The following GRID2 variants were observed in gnomAD, a reference collection of about 807,000 sequenced individuals.
The protein encoded by GRID2 is glutamate ionotropic receptor delta type subunit 2.
In GRID2, 33 loss-of-function variants were observed where a neutral mutation model predicts 114.8. That is an observed-to-expected ratio of 0.29 (90% CI 0.22 to 0.38). GRID2 has a LOEUF of 0.38. Among genes scored for constraint, GRID2 ranks in the 10% least tolerant of loss-of-function variants. The pLI, the probability that GRID2 is intolerant of heterozygous loss-of-function variation, is 1.00. For synonymous variants in GRID2, 505 were observed against 449.9 expected, an observed-to-expected ratio of 1.12 and a Z score of -1.55; for missense variants, 1,184 against 1,257.7, an observed-to-expected ratio of 0.94 and a Z score of 0.89.
chr4:92,684,442 T>C (rs1733804679), intron 2 of GRID2, among the ~76,000 whole-genome samples: 3 of 152,042 alleles, frequency 2.0e-5, no homozygotes, highest in Admixed American at 2.0e-4. Flanking sequence ...TAAATTTCTG[T>C]AAATGAGAAT....
intron 1 of GRID2, among the ~76,000 whole-genome samples, chr4:92,405,700 G>T (rs1413077632): frequency 7.0e-6 from 1 of 143,668 alleles, no homozygotes; most frequent in Non-Finnish European, 1.5e-5. Context: ...GTAGGTAAAA[G>T]TTACATTCAG....
chr4:93,060,829 G>A (rs1727717128), intron 2 of GRID2, among the ~76,000 whole-genome samples: 1 of 152,134 alleles, frequency 6.6e-6, no homozygotes, highest in Admixed American at 6.6e-5. Context: ...AAGGCTGGGT[G>A]TGGTGGCTCC....
chr4:93,533,735 A>G (rs547578770), intron 13 of GRID2, among the ~76,000 whole-genome samples: 1 of 151,572 alleles, frequency 6.6e-6, no homozygotes, highest in African/African-American at 2.4e-5. Flanking sequence ...CACCACCTCC[A>G]CCATTATTAC....
At chr4:93,513,881 C>T (rs1413776515) in intron 12 of GRID2, among the ~76,000 whole-genome samples, 2 of 152,162 alleles carry the variant, frequency 1.3e-5, no homozygotes, top group African/African-American at 4.8e-5. Context: ...TTCCCAGTGC[C>T]TTTGCCCAAT....
At chr4:92,869,461 G>A (rs1429928239) in intron 2 of GRID2, among the ~76,000 whole-genome samples, 1 of 152,200 alleles carries the variant, frequency 6.6e-6, no homozygotes, top group Non-Finnish European at 1.5e-5. Context: ...GCAACTGGTA[G>A]TTCGGATGGC....
At chr4:92,394,407 C>A (rs888023490) in intron 1 of GRID2, among the ~76,000 whole-genome samples, 1 of 151,988 alleles carries the variant, frequency 6.6e-6, no homozygotes, top group Admixed American at 6.6e-5. Context: ...TTAATTCCAA[C>A]AACTAATATC....
At chr4:93,686,163 C>A (rs907571365) in intron 14 of GRID2, among the ~76,000 whole-genome samples, 5 of 151,958 alleles carry the variant, frequency 3.3e-5, no homozygotes, top group Non-Finnish European at 7.4e-5. Flanking sequence ...TTTCTTAGTT[C>A]ACCGAATTCA....
intron 2 of GRID2, among the ~76,000 whole-genome samples, chr4:93,017,879 A>C (rs548579162): frequency 6.7e-6 from 1 of 148,668 alleles, no homozygotes; most frequent in African/African-American, 2.5e-5. Context: ...ATAAGACAGT[A>C]AGCTTTTTTT....
intron 1 of GRID2, among the ~76,000 whole-genome samples, chr4:92,423,692 T>A (rs1298051724): frequency 6.6e-6 from 1 of 152,152 alleles, no homozygotes; most frequent in South Asian, 2.1e-4. Flanking sequence ...TTTGAGCTGA[T>A]GTTCAATAAT....
intron 8 of GRID2, among the ~76,000 whole-genome samples, chr4:93,308,190 C>G (rs906070986): frequency 6.6e-6 from 1 of 152,142 alleles, no homozygotes; most frequent in Non-Finnish European, 1.5e-5. Flanking sequence ...CTGCATACCC[C>G]CTTTCCTTCC....
At chr4:92,627,822 AAAC>A (rs1560497807) in intron 2 of GRID2, among the ~76,000 whole-genome samples, 2 of 152,160 alleles carry the variant, frequency 1.3e-5, no homozygotes, top group African/African-American at 2.4e-5. Context: ...AAACCTAGAC[AAAC>A]AACAAAACAA....
chr4:93,707,521 G>T (rs1261354722), intron 14 of GRID2, among the ~76,000 whole-genome samples: 2 of 151,834 alleles, frequency 1.3e-5, no homozygotes, highest in East Asian at 3.9e-4. Context: ...ATAATCTTTT[G>T]AATTTCTACA....
intron 6 of GRID2, among the ~76,000 whole-genome samples, chr4:93,223,456 A>G (rs1274229229): frequency 6.6e-6 from 1 of 152,338 alleles, no homozygotes; most frequent in South Asian, 2.1e-4. Flanking sequence ...TGTGCATTGC[A>G]TCAGACTCTA....
At chr4:93,160,853 A>G (rs1352539379) in intron 4 of GRID2, among the ~76,000 whole-genome samples, 1 of 151,852 alleles carries the variant, frequency 6.6e-6, no homozygotes, top group Non-Finnish European at 1.5e-5. Flanking sequence ...AAGCTGATCT[A>G]CTGAACCTGA....
intron 1 of GRID2, among the ~76,000 whole-genome samples, chr4:92,569,322 A>G (rs1401328077): frequency 6.6e-6 from 1 of 152,052 alleles, no homozygotes; most frequent in Non-Finnish European, 1.5e-5. Flanking sequence ...TTATGGCTGC[A>G]TAGTATTCTA....
At chr4:93,802,056 T>C (rs1404959219) in intron 1 of GRID2, among the ~76,000 whole-genome samples, 1 of 152,236 alleles carries the variant, frequency 6.6e-6, no homozygotes, top group Non-Finnish European at 1.5e-5. Flanking sequence ...GCTTTCTGTC[T>C]ATTGTACAGT....
At chr4:92,997,290 A>G (rs1755259772) in intron 2 of GRID2, among the ~76,000 whole-genome samples, 1 of 152,046 alleles carries the variant, frequency 6.6e-6, no homozygotes, top group Non-Finnish European at 1.5e-5. Flanking sequence ...GTGTGAGCTG[A>G]AAGTTTGATA....
intron 8 of GRID2, among the ~76,000 whole-genome samples, chr4:93,348,800 A>G (rs1760497174): frequency 6.6e-6 from 1 of 152,196 alleles, no homozygotes. Context: ...AATAAAATAT[A>G]AAAAGATGCT....
chr4:92,488,326 C>G (rs1484593741), intron 1 of GRID2, among the ~76,000 whole-genome samples: 1 of 152,142 alleles, frequency 6.6e-6, no homozygotes, highest in Non-Finnish European at 1.5e-5. Flanking sequence ...GATCACAAGG[C>G]AAACAAATAA....
Sources: allele counts gnomAD v4.1 joint callset (sites outside exome capture counted in the v4.1 genomes callset), GRCh38; gene constraint gnomAD v4.1.1; transcripts MANE v1.5; gene names NCBI Gene and HGNC (gene_info 2026-07-23, HGNC 2026-07-21).